KLHL1: variants seen among roughly 807,000 people sequenced by gnomAD.
KLHL1 encodes kelch like family member 1, also known as kelch-like protein 1.
In KLHL1, 47 loss-of-function variants were observed where a neutral mutation model predicts 77.7. That is an observed-to-expected ratio of 0.60 (90% CI 0.48 to 0.77). The LOEUF (loss-of-function observed/expected upper bound fraction) is 0.77. KLHL1 is among the 30% of genes least tolerant of loss of function. The pLI, the probability that KLHL1 is intolerant of heterozygous loss-of-function variation, is 0.00. For missense variants in KLHL1, 925 were observed against 910.8 expected (o/e 1.02, Z -0.20); for synonymous variants, 360 against 325.2 (o/e 1.11, Z -1.15).
chr13:70,091,478 T>C (rs1448961461), intron 1 of KLHL1, among the ~76,000 whole-genome samples: 1 of 152,092 alleles, frequency 6.6e-6, no homozygotes, highest in African/African-American at 2.4e-5. Flanking sequence ...CATCTCCTAC[T>C]CTCTAAAAGA....
At chr13:69,902,908 AAAAT>A (rs147872291) in intron 4 of KLHL1, among the ~76,000 whole-genome samples, 9,082 of 152,218 alleles carry the variant, frequency 0.06, 344 homozygotes, top group African/African-American at 0.097. Context: ...AGTATAATAA[AAAAT>A]AAATAAATAG....
intron 6 of KLHL1, among the ~76,000 whole-genome samples, chr13:69,825,381 A>T (rs1878505132): frequency 6.6e-6 from 1 of 152,110 alleles, no homozygotes; most frequent in Admixed American, 6.6e-5. Context: ...TAAAGTTTAG[A>T]AGTATACTGG....
chr13:69,895,479 A>T (rs1054067100), intron 4 of KLHL1, among the ~76,000 whole-genome samples: 1 of 152,266 alleles, frequency 6.6e-6, no homozygotes, highest in South Asian at 2.1e-4. Flanking sequence ...ATTTTGTAAT[A>T]TAAACGGGTT....
intron 1 of KLHL1, among the ~76,000 whole-genome samples, chr13:70,099,497 T>G (rs1039437825): frequency 1.1e-4 from 16 of 151,970 alleles, no homozygotes; most frequent in Middle Eastern, 3.2e-3. Context: ...TATTTCAGCA[T>G]CAAATTCTGT....
chr13:69,762,624 C>T (rs1566224103), intron 7 of KLHL1, among the ~76,000 whole-genome samples: 1 of 150,282 alleles, frequency 6.7e-6, no homozygotes, highest in African/African-American at 2.5e-5. Context: ...ACTCTTGGAA[C>T]TGTGCACCCA....
chr13:69,962,016 A>G (rs1455670893), intron 2 of KLHL1, among the ~76,000 whole-genome samples: 1 of 152,022 alleles, frequency 6.6e-6, no homozygotes, highest in Non-Finnish European at 1.5e-5. Flanking sequence ...AATAATTCCT[A>G]AAGCATTTTG....
At chr13:69,884,512 TA>T (rs1311440827) in intron 4 of KLHL1, among the ~76,000 whole-genome samples, 4 of 151,570 alleles carry the variant, frequency 2.6e-5, no homozygotes. Flanking sequence ...TTCCAGTTAC[TA>T]AAAAATCTAT....
chr13:69,775,717 G>A (rs2137991294), intron 7 of KLHL1, among the ~76,000 whole-genome samples: 1 of 151,748 alleles, frequency 6.6e-6, no homozygotes, highest in South Asian at 2.1e-4. Flanking sequence ...TTGATACAGT[G>A]TCGTGCTCTG....
chr13:69,930,853 A>G (rs951367822), intron 4 of KLHL1, among the ~76,000 whole-genome samples: 1 of 151,688 alleles, frequency 6.6e-6, no homozygotes, highest in Non-Finnish European at 1.5e-5. Flanking sequence ...TAATGCTGAT[A>G]CAGGTGTCTA....
At chr13:70,083,547 ACT>A (rs1399270285) in intron 1 of KLHL1, among the ~76,000 whole-genome samples, 3 of 152,150 alleles carry the variant, frequency 2.0e-5, no homozygotes, top group Non-Finnish European at 2.9e-5. Context: ...TTGTAGATTA[ACT>A]CTGTGCAAAT....
Position 69,893,408 on chromosome 13 carries a change from G to T in KLHL1, c.1015-10913C>A, listed in dbSNP as rs868408861. 1.9e-3 allele frequency among the ~76,000 whole-genome samples: 290 copies of T among 151,864 alleles called. 6 individuals are homozygous for T. Among genetic ancestry groups the T allele is most frequent in the East Asian group, 3.9e-4 (2 of 5,154 alleles). ...CGCCACCGCGCCTGGCTAATTTTTT[G>T]TATTTTTAGTAGAGACGGGGTTTCA... On this transcript the variant is annotated intron_variant, in intron 4 of 10. Coordinates refer to ENST00000377844, the MANE Select transcript of KLHL1 (RefSeq NM_020866.3).
At chr13:69,704,819 G>T (rs1299909719) in intron 10 of KLHL1, among the ~76,000 whole-genome samples, 3 of 151,560 alleles carry the variant, frequency 2.0e-5, no homozygotes, top group Non-Finnish European at 4.4e-5. Context: ...AAAAAGGTTG[G>T]CCACAGAACC....
At chr13:69,843,315 T>A (rs1333822604) in intron 5 of KLHL1, among the ~76,000 whole-genome samples, 1 of 151,710 alleles carries the variant, frequency 6.6e-6, no homozygotes, top group Non-Finnish European at 1.5e-5. Flanking sequence ...CTTTTTCATG[T>A]TTCTTCTTGC....
chr13:69,860,076 GT>G (rs999174036), intron 5 of KLHL1, among the ~76,000 whole-genome samples: 1 of 152,060 alleles, frequency 6.6e-6, no homozygotes, highest in Non-Finnish European at 1.5e-5. Context: ...GCTATTTAGT[GT>G]GTTTATATGT....
At chr13:69,763,789 T>C (rs1875136162) in intron 7 of KLHL1, among the ~76,000 whole-genome samples, 1 of 152,196 alleles carries the variant, frequency 6.6e-6, no homozygotes, top group Non-Finnish European at 1.5e-5. Flanking sequence ...GCTAAATGCT[T>C]TGGAGTCAAA....
rs540214019 is a variant in KLHL1 at position 69,791,225 on chromosome 13, GATA to G, written c.1639+5510_1639+5512del. 1.6e-4 allele frequency among the ~76,000 whole-genome samples: 24 copies of G among 151,952 alleles called. No individual in the cohort carries two copies. In the South Asian group the frequency reaches 3.9e-3, roughly 25 times the overall value. ...ATGAGATGAAGAAAACAATCACATT[GATA>G]ATAATATCAAAAATAAATTATTTAG... On this transcript the variant is annotated intron_variant, in intron 7 of 10. Coordinates refer to ENST00000377844, the MANE Select transcript of KLHL1 (RefSeq NM_020866.3).
chr13:70,055,748 G>A (rs1886729444), intron 1 of KLHL1, among the ~76,000 whole-genome samples: 1 of 151,962 alleles, frequency 6.6e-6, no homozygotes, highest in African/African-American at 2.4e-5. Context: ...GTTGTCATCA[G>A]TTTAAAATGG....
intron 9 of KLHL1, among the ~76,000 whole-genome samples, chr13:69,718,033 C>T (rs1872853730): frequency 6.6e-6 from 1 of 152,102 alleles, no homozygotes; most frequent in Non-Finnish European, 1.5e-5. Flanking sequence ...AAAACCATCT[C>T]TTGCCAATGG....
At chr13:69,772,908 A>T (rs1191774010) in intron 7 of KLHL1, among the ~76,000 whole-genome samples, 2 of 152,092 alleles carry the variant, frequency 1.3e-5, no homozygotes, top group African/African-American at 4.8e-5. Flanking sequence ...GATTCAAGAG[A>T]TAGAGTTTTT....
Sources: gnomAD v4.1 joint callset for allele counts (sites outside exome capture counted in the v4.1 genomes callset) on GRCh38, gnomAD v4.1.1 for gene constraint, MANE v1.5 for transcripts, NCBI Gene and HGNC (gene_info 2026-07-23, HGNC 2026-07-21) for gene names.